The following ZNF728 variants were observed in gnomAD, a reference collection of about 807,000 sequenced individuals.
ZNF728 encodes the protein zinc finger protein 728.
ZNF728 carries 12 observed loss-of-function variants against 12.5 expected under a neutral mutation model. That is an observed-to-expected ratio of 0.96 (90% CI 0.61 to 1.55). The LOEUF is 1.55. Among genes scored for constraint, ZNF728 ranks in the 40% most tolerant of loss-of-function variants. The pLI is 0.00. For synonymous variants in ZNF728, 205 were observed against 240.7 expected (o/e 0.85, Z 1.37); for missense variants, 692 against 719.2 (o/e 0.96, Z 0.43).
In ZNF728 at chr19:22,988,403, A is replaced by C. The variant is rs1968942928; in HGVS notation, c.52T>G (p.Trp18Gly). 6.2e-7 allele frequency: 1 copy of C among 1,613,940 alleles called. No individual in the cohort carries two copies. The highest frequency in any genetic ancestry group is 1.7e-5 in the Admixed American group (1 of 59,974). ...TGCTGTGCAGTGTCCAGGCATTGCC[A>C]CTCCTCCAGAGAGAATTGTATGGCC... is the stretch of plus-strand genomic sequence containing the variant. ...DVAIQFSLEEWQCLDTAQQNL... is the reference protein window; with the variant it reads ...DVAIQFSLEEGQCLDTAQQNL... The change falls in exon 2 of 4, where the codon TGG (tryptophan) becomes GGG (glycine). Residue 18 changes from tryptophan to glycine, a missense_variant. Physicochemically the swap from Trp to Gly is radical, Grantham distance 184. This residue lies in a region of ZNF728 where 440 missense variants were observed against 459.6 expected (regional missense o/e 0.96). Transcript: ENST00000594710.
intron 1 of ZNF728, among the ~76,000 whole-genome samples, chr19:23,002,696 A>G (rs2145359171): frequency 6.6e-6 from 1 of 152,280 alleles, no homozygotes; most frequent in Admixed American, 6.5e-5. Flanking sequence ...TCTTGAACCC[A>G]CACGCCGAGT....
intron 3 of ZNF728, among the ~76,000 whole-genome samples, chr19:22,984,483 C>T (rs1486606944): frequency 2.7e-5 from 4 of 149,426 alleles, no homozygotes; most frequent in East Asian, 4.0e-4. Context: ...CGCTTGAACC[C>T]GGGAGGCAGA....
intron 3 of ZNF728, among the ~76,000 whole-genome samples, chr19:22,979,763 G>A (rs1202889199): frequency 6.6e-6 from 1 of 152,240 alleles, no homozygotes; most frequent in South Asian, 2.1e-4. Flanking sequence ...GCCAAACTAA[G>A]CTTCATAAGT....
rs777387077 is a variant in ZNF728 at position 23,003,017 on chromosome 19, G to A, written c.3+11C>T. The A allele has an allele frequency of 1.6e-5, 26 of 1,583,852 alleles. No homozygotes were observed. The highest frequency in any genetic ancestry group is 9.2e-5 in the East Asian group (4 of 43,280). Reference sequence around the variant, plus strand: ...GCCACTCTCTCGGGATGTCGGACCCGGCTGACTCACCATTTCTAGGCTTCC... The same window carrying A: ...GCCACTCTCTCGGGATGTCGGACCCAGCTGACTCACCATTTCTAGGCTTCC... On this transcript the variant is annotated intron_variant, in intron 1 of 3. Coordinates refer to ENST00000594710, the MANE Select transcript of ZNF728 (RefSeq NM_001267716.2).
At chr19:22,984,494 G>A (rs1265701687) in intron 3 of ZNF728, among the ~76,000 whole-genome samples, 2 of 150,490 alleles carry the variant, frequency 1.3e-5, no homozygotes, top group East Asian at 3.9e-4. Flanking sequence ...GGGAGGCAGA[G>A]GTTGCAGTGA....
At chr19:23,000,687 G>A (rs577501694) in intron 1 of ZNF728, among the ~76,000 whole-genome samples, 176 of 151,612 alleles carry the variant, frequency 1.2e-3, no homozygotes, top group African/African-American at 4.0e-3. Flanking sequence ...GGTCAACATG[G>A]CAAACCCCCA....
intron 1 of ZNF728, among the ~76,000 whole-genome samples, chr19:22,997,527 T>C (rs1185451734): frequency 6.6e-6 from 1 of 151,522 alleles, no homozygotes; most frequent in South Asian, 2.1e-4. Context: ...AAAAGAAAAA[T>C]TCATAGCGTT....
chr19:23,001,300 G>C (rs868001254), intron 1 of ZNF728, among the ~76,000 whole-genome samples: 14 of 152,208 alleles, frequency 9.2e-5, no homozygotes, highest in Non-Finnish European at 2.1e-4. Flanking sequence ...AGCTGGGTTG[G>C]GTAAAGACAA....
chr19:22,983,396 A>G (rs1019939646), intron 3 of ZNF728, among the ~76,000 whole-genome samples: 7 of 152,216 alleles, frequency 4.6e-5, no homozygotes, highest in African/African-American at 1.7e-4. Context: ...GAATGCTTTT[A>G]CACTGTTGGT....
At position 22,999,838 on chromosome 19, in the gene ZNF728, T is replaced by C. The variant is rs532412781; in HGVS notation, c.3+3190A>G. On this transcript the variant is annotated intron_variant, in intron 1 of 3. Coordinates refer to ENST00000594710, the MANE Select transcript of ZNF728 (RefSeq NM_001267716.2). The stretch of plus-strand genomic sequence containing the variant: ...TAAAATTTAGCATTAAACTCAGAAA[T>C]TGAAATAACAGGATATAGAACAAAG... Among the ~76,000 whole-genome samples the C allele has an allele frequency of 3.9e-5, 6 of 152,228 alleles. No individual in the cohort carries two copies. The East Asian group carries it at 7.7e-4, about 20-fold the overall frequency.
intron 1 of ZNF728, among the ~76,000 whole-genome samples, chr19:22,997,197 T>C (rs1969059108): frequency 6.6e-6 from 1 of 152,104 alleles, no homozygotes. Context: ...AATACCATAA[T>C]ATACATTCTT....
intron 1 of ZNF728, among the ~76,000 whole-genome samples, chr19:22,988,800 C>T (rs982630020): frequency 9.9e-5 from 15 of 152,052 alleles, no homozygotes; most frequent in African/African-American, 3.6e-4. Context: ...GCCTGTAATC[C>T]CAGCACTTTG....
Position 22,981,926 on chromosome 19 carries a change from C to T in ZNF728, c.227-4816G>A, listed in dbSNP as rs574939503. ...TGACAAACCCACAGACAATGTCATACTGAATGGCCAAAAACCAGAAGCACT... is the reference window on the plus strand; with the variant it reads ...TGACAAACCCACAGACAATGTCATATTGAATGGCCAAAAACCAGAAGCACT... On this transcript the variant is annotated intron_variant, in intron 3 of 3. Coordinates refer to ENST00000594710, the MANE Select transcript of ZNF728 (RefSeq NM_001267716.2). Among the ~76,000 whole-genome samples the T allele has an allele frequency of 1.1e-3, 170 of 152,256 alleles. 2 individuals carry two copies. The Middle Eastern group carries it at 0.027, about 24-fold the overall frequency.
At chr19:22,979,064 C>T (rs1231109002) in intron 3 of ZNF728, among the ~76,000 whole-genome samples, 1 of 152,128 alleles carries the variant, frequency 6.6e-6, no homozygotes, top group Non-Finnish European at 1.5e-5. Flanking sequence ...ACAAACTCCT[C>T]CGAGCTAAAG....
chr19:22,988,426 G>C lies in ZNF728; in HGVS notation c.29C>G (p.Ala10Gly). 2 of 1,614,018 alleles carry C rather than the reference G, an allele frequency of 1.2e-6. No homozygotes were observed. Among genetic ancestry groups the C allele is most frequent in the African/African-American group, 2.7e-5 (2 of 74,996 alleles). Residue 10 changes from alanine to glycine, a missense_variant, in exon 2 of 4, where the codon GCC becomes GGC. This residue lies in a region of ZNF728 where 440 missense variants were observed against 459.6 expected (regional missense o/e 0.96). Coordinates refer to ENST00000594710, the MANE Select transcript of ZNF728 (RefSeq NM_001267716.2). The stretch of plus-strand genomic sequence containing the variant: ...CCACTCCTCCAGAGAGAATTGTATG[G>C]CCACATCCCGAAATGTCAACGATCC... MGSLTFRDV[A>G]IQFSLEEWQC...
intron 3 of ZNF728, among the ~76,000 whole-genome samples, 176 bp from the exon 4 acceptor site, chr19:22,977,286 T>C (rs1968817600): frequency 6.6e-6 from 1 of 152,154 alleles, no homozygotes. Flanking sequence ...AATACATATG[T>C]AGATAATTTA....
intron 1 of ZNF728, among the ~76,000 whole-genome samples, chr19:22,992,371 T>C (rs567434925): frequency 6.6e-6 from 1 of 152,192 alleles, no homozygotes; most frequent in African/African-American, 2.4e-5. Context: ...GCCTCCCAAG[T>C]AACCAGGACT....
intron 1 of ZNF728, among the ~76,000 whole-genome samples, chr19:22,989,722 T>C (rs765016146): frequency 6.6e-5 from 10 of 152,336 alleles, no homozygotes; most frequent in African/African-American, 2.2e-4. Context: ...ATATCTCCCA[T>C]GTTCTGTAAT....
chr19:22,991,973 C>T (rs544991530), intron 1 of ZNF728, among the ~76,000 whole-genome samples: 8 of 151,906 alleles, frequency 5.3e-5, no homozygotes, highest in Admixed American at 2.0e-4. Context: ...TTTAAAAATC[C>T]CTTAAGGTTT....
Sources: gnomAD v4.1 joint callset for allele counts (sites outside exome capture counted in the v4.1 genomes callset) on GRCh38, gnomAD v4.1.1 for gene constraint, gnomAD v4.1.1 regional missense constraint, MANE v1.5 for transcripts, NCBI Gene and HGNC (gene_info 2026-07-23, HGNC 2026-07-21) for gene names.